SENP2: variants seen among roughly 807,000 people sequenced by gnomAD.
SENP2 encodes SUMO specific peptidase 2, also known as sentrin-specific protease 2.
A neutral mutation model predicts 86.3 loss-of-function variants in SENP2; 16 were observed. The ratio of observed to expected loss-of-function variants is 0.19; its 90% confidence interval spans 0.13 to 0.28. The LOEUF is 0.28. SENP2 is among the 10% of genes least tolerant of loss of function. The pLI, the probability that SENP2 is intolerant of heterozygous loss-of-function variation, is 1.00. For missense variants in SENP2, 552 were observed against 703.0 expected, an observed-to-expected ratio of 0.79 and a Z score of 2.43; for synonymous variants, 222 against 238.7, an observed-to-expected ratio of 0.93 and a Z score of 0.64.
chr3:185,597,104 G>A (rs907741808), intron 2 of SENP2, among the ~76,000 whole-genome samples: 2 of 151,886 alleles, frequency 1.3e-5, no homozygotes, highest in African/African-American at 2.4e-5. Context: ...TGCCTGCCTC[G>A]GCCTCCCAAA....
Position 185,598,496 on chromosome 3 carries a change from T to C in SENP2, c.242T>C (p.Met81Thr). Residue 81 changes from methionine to threonine, a missense_variant, in exon 3 of 17, where the codon ATG (methionine) becomes ACG (threonine). By Grantham distance (81) the Met-to-Thr change is moderately conservative (BLOSUM62 -1). This residue lies in a region of SENP2 where 383 missense variants were observed against 427.3 expected (regional missense o/e 0.90). Transcript: ENST00000296257. ...CCATTCCAGCTGACCACAAAGCCCA[T>C]GGTAACTTCTGCTTGTAATGGAACA... ...GFPFQLTTKP[M>T]VTSACNGTRN... 6.2e-7 allele frequency: 1 copy of C among 1,614,100 alleles called. No individual in the cohort carries two copies. Among genetic ancestry groups the C allele is most frequent in the Non-Finnish European group, 8.5e-7 (1 of 1,180,022 alleles).
intron 10 of SENP2, 88 bp downstream of exon 10, chr3:185,613,496 T>C (rs1722762034): frequency 2.6e-6 from 2 of 770,150 alleles, no homozygotes; most frequent in Non-Finnish European, 4.3e-6. Context: ...AAAGTATATA[T>C]ATATAACTTT....
At chr3:185,620,058 T>TC (rs1711786706) in intron 13 of SENP2, among the ~76,000 whole-genome samples, 1 of 151,420 alleles carries the variant, frequency 6.6e-6, no homozygotes, top group Non-Finnish European at 1.5e-5. Context: ...TTTTTCTTTT[T>TC]TTTTTTTAAA....
chr3:185,604,653 A>G (rs1014466553), intron 5 of SENP2, among the ~76,000 whole-genome samples: 1 of 152,042 alleles, frequency 6.6e-6, no homozygotes, highest in Non-Finnish European at 1.5e-5. Context: ...ATTCTGTTAC[A>G]TTTGCTTTCT....
chr3:185,603,166 C>A (rs1011766329), intron 5 of SENP2, among the ~76,000 whole-genome samples: 2 of 152,006 alleles, frequency 1.3e-5, no homozygotes, highest in Non-Finnish European at 2.9e-5. Context: ...ACCGCCTCGG[C>A]CTCCCAAAGT....
intron 14 of SENP2, among the ~76,000 whole-genome samples, chr3:185,623,386 C>T (rs1045881900): frequency 4.0e-5 from 6 of 151,876 alleles, no homozygotes; most frequent in Admixed American, 1.3e-4. Flanking sequence ...GTGATCCATC[C>T]GCCTTGGCCT....
At chr3:185,611,937 A>G (rs768120636) in intron 8 of SENP2, among the ~76,000 whole-genome samples, 192 bp downstream of exon 8, 1 of 152,158 alleles carries the variant, frequency 6.6e-6, no homozygotes, top group Non-Finnish European at 1.5e-5. Context: ...CAGATGGATC[A>G]CCTGAGGTCA....
At position 185,592,205 on chromosome 3, in the gene SENP2, A is replaced by T. The variant is rs1249412360; in HGVS notation, c.157+2036A>T. 5.3e-5 allele frequency among the ~76,000 whole-genome samples: 8 copies of T among 151,288 alleles called. No individual in the cohort carries two copies. In the South Asian group the frequency reaches 6.3e-4, roughly 12 times the overall value. The stretch of plus-strand genomic sequence containing the variant: ...ACAATCCTCCTGCCTCAGTCTCCTG[A>T]GTAGCTGGGACTATAGGCCCATACC... On this transcript the variant is annotated intron_variant, in intron 2 of 16. Transcript: ENST00000296257.
chr3:185,597,693 G>C (rs897921384), intron 2 of SENP2, among the ~76,000 whole-genome samples: 2 of 149,894 alleles, frequency 1.3e-5, no homozygotes, highest in Non-Finnish European at 3.0e-5. Context: ...TGCCCTTGTT[G>C]CCCAGGCTGG....
At chr3:185,611,906 C>T (rs1185780749) in intron 8 of SENP2, among the ~76,000 whole-genome samples, 161 bp downstream of exon 8, 1 of 152,130 alleles carries the variant, frequency 6.6e-6, no homozygotes, top group Admixed American at 6.6e-5. Context: ...CCTGCAATCC[C>T]AGCACTTTGG....
chr3:185,615,503 C>G (rs1276212760), intron 11 of SENP2, among the ~76,000 whole-genome samples: 1 of 152,098 alleles, frequency 6.6e-6, no homozygotes, highest in Non-Finnish European at 1.5e-5. Context: ...GCCACCATGC[C>G]CAGCTAATTT....
At chr3:185,594,620 CTTT>C (rs11317593) in intron 2 of SENP2, among the ~76,000 whole-genome samples, 29 of 137,372 alleles carry the variant, frequency 2.1e-4, no homozygotes, top group South Asian at 4.6e-4. Context: ...GGCTCATGAT[CTTT>C]TTTTTTTTTT....
At chr3:185,619,964 C>A (rs1711782021) in intron 13 of SENP2, among the ~76,000 whole-genome samples, 1 of 151,492 alleles carries the variant, frequency 6.6e-6, no homozygotes, top group African/African-American at 2.4e-5. Flanking sequence ...CAACGCCTGG[C>A]CTCAAGTGGT....
chr3:185,590,860 T>C (rs1230137861), intron 2 of SENP2, among the ~76,000 whole-genome samples: 1 of 74,120 alleles, frequency 1.3e-5, no homozygotes, highest in Admixed American at 2.3e-4. Flanking sequence ...AGAGCGACAC[T>C]CCATCTCAAA....
At chr3:185,614,799 C>T in intron 11 of SENP2, 59 bp downstream of exon 11, 6 of 1,513,394 alleles carry the variant, frequency 4.0e-6, no homozygotes, top group Non-Finnish European at 4.5e-6. Context: ...CTCAGTTATT[C>T]TAACTTGAAT....
chr3:185,629,901 T>C lies in SENP2; in HGVS notation c.*57T>C. The stretch of plus-strand genomic sequence containing the variant: ...TGGTTCTTTCACAGACATTTCCATA[T>C]ACCTCATGCATTGTGGGTTAAAAAG... On this transcript the variant is annotated 3_prime_UTR_variant, in exon 17 of 17. Coordinates refer to ENST00000296257, the MANE Select transcript of SENP2 (RefSeq NM_021627.3). 2.6e-6 allele frequency: 4 copies of C among 1,529,286 alleles called. No homozygotes were observed. In the South Asian group the frequency reaches 4.5e-5, roughly 17 times the overall value. The allele number at this position is 1,529,286 out of a possible 1,614,324, so 94.7% of individuals were successfully genotyped here.
chr3:185,597,757 G>A (rs991387800), intron 2 of SENP2, among the ~76,000 whole-genome samples: 1 of 151,712 alleles, frequency 6.6e-6, no homozygotes, highest in Non-Finnish European at 1.5e-5. Context: ...GGGTTCAAGC[G>A]ATTCTCCTGC....
chr3:185,608,546 G>C lies in SENP2; in HGVS notation c.619-701G>C, dbSNP rs184359201. ...ACCCACAAGAAAACCTCTCCTGGAA[G>C]CTCGTGGATATATGTGATGGAAATT... On this transcript the variant is annotated intron_variant, in intron 6 of 16. Coordinates refer to ENST00000296257, the MANE Select transcript of SENP2 (RefSeq NM_021627.3). Among the ~76,000 whole-genome samples, 58 of 152,310 alleles carry C rather than the reference G, an allele frequency of 3.8e-4. 1 individual carries two copies. The highest frequency in any genetic ancestry group is 1.4e-3 in the African/African-American group (57 of 41,572).
intron 5 of SENP2, among the ~76,000 whole-genome samples, chr3:185,603,916 G>A (rs556159899): frequency 6.6e-6 from 1 of 152,154 alleles, no homozygotes; most frequent in Non-Finnish European, 1.5e-5. Context: ...GAGGCCAGGA[G>A]TTTGAGACCA....
Sources: allele counts gnomAD v4.1 joint callset (sites outside exome capture counted in the v4.1 genomes callset), GRCh38; gene constraint gnomAD v4.1.1; regional missense constraint gnomAD v4.1.1; transcripts MANE v1.5; gene names NCBI Gene and HGNC (gene_info 2026-07-23, HGNC 2026-07-21).